RRAGD: variants seen among roughly 807,000 people sequenced by gnomAD.
RRAGD encodes the protein ras-related GTP-binding protein D.
RRAGD carries 12 observed loss-of-function variants against 35.5 expected under a neutral mutation model. The observed-to-expected ratio is 0.34, with a 90% CI of 0.22 to 0.55. RRAGD has a LOEUF of 0.55. Among genes scored for constraint, RRAGD ranks in the 20% least tolerant of loss-of-function variants. RRAGD has a pLI of 0.91. For missense variants in RRAGD, 324 were observed against 490.1 expected (o/e 0.66, Z 3.20); for synonymous variants, 155 against 178.9 (o/e 0.87, Z 1.07).
chr6:89,400,079 G>A (rs1350186298), intron 1 of RRAGD, among the ~76,000 whole-genome samples: 1 of 152,114 alleles, frequency 6.6e-6, no homozygotes, highest in Admixed American at 6.5e-5. Flanking sequence ...ATACTAAACT[G>A]TAGTCTAATT....
At position 89,411,830 on chromosome 6, in the gene RRAGD, G is replaced by T; in HGVS notation, c.148+16C>A. The T allele has an allele frequency of 2.6e-6, 4 of 1,544,902 alleles. No individual in the cohort carries two copies. The highest frequency in any genetic ancestry group is 3.5e-6 in the Non-Finnish European group (4 of 1,149,268). On this transcript the variant is annotated intron_variant, in intron 1 of 6. Coordinates refer to ENST00000369415, the MANE Select transcript of RRAGD (RefSeq NM_021244.5). The surrounding 1 kb of genome is among the most constrained non-coding windows in gnomAD (Gnocchi z 5.6). ...GAAAGGGGCGCGAGCCGAGGACGCG[G>T]GGGCCGGGCGCTCACCTCCCTCCTC...
Position 89,375,432 on chromosome 6 carries a change from C to T in RRAGD, c.902+2239G>A, listed in dbSNP as rs140815118. Among the ~76,000 whole-genome samples the T allele has an allele frequency of 8.3e-3, 1,266 of 152,214 alleles. 19 individuals are homozygous for T. The highest frequency in any genetic ancestry group is 0.029 in the African/African-American group (1,185 of 41,530). On this transcript the variant is annotated intron_variant, in intron 5 of 6. Coordinates refer to ENST00000369415, the MANE Select transcript of RRAGD (RefSeq NM_021244.5). The stretch of plus-strand genomic sequence containing the variant: ...GCAATGAAAACACATGAAGATAGAA[C>T]ATATTTTAAAGTGTGTGCATGTGTG...
Position 89,367,313 on chromosome 6 carries a change from A to T in RRAGD, c.*743T>A, listed in dbSNP as rs923791986. The stretch of plus-strand genomic sequence containing the variant: ...TGGAAATCTGGTCCCAAAGTTTCAA[A>T]AGAATACTAATGCAACAAAAAGAAA... On this transcript the variant is annotated 3_prime_UTR_variant, in exon 7 of 7. Transcript: ENST00000369415. 1.3e-5 allele frequency: 2 copies of T among 152,222 alleles called. No homozygotes were observed. Among genetic ancestry groups the T allele is most frequent in the African/African-American group, 4.8e-5 (2 of 41,450 alleles). 9.4% of individuals were successfully genotyped at this position (152,222 alleles called of 1,614,324 possible).
intron 5 of RRAGD, 122 bp from the exon 6 acceptor site, chr6:89,372,707 G>T: frequency 1.1e-6 from 1 of 915,210 alleles, no homozygotes; most frequent in Non-Finnish European, 1.6e-6. Context: ...TACACTTGCA[G>T]TGCCTTTCAG....
chr6:89,399,017 ACTC>A (rs1562462932), intron 1 of RRAGD, among the ~76,000 whole-genome samples: 1 of 152,058 alleles, frequency 6.6e-6, no homozygotes, highest in Non-Finnish European at 1.5e-5. Context: ...TGCAAGCAAA[ACTC>A]CTCGTTAAAT....
chr6:89,408,722 A>G (rs181652925), intron 1 of RRAGD, among the ~76,000 whole-genome samples: 1 of 152,324 alleles, frequency 6.6e-6, no homozygotes, highest in East Asian at 1.9e-4. Context: ...CTCCTAAAAA[A>G]TGGGAGGGGT....
chr6:89,392,479 CG>C lies in RRAGD; in HGVS notation c.149-4890del, dbSNP rs67327484. On this transcript the variant is annotated intron_variant, in intron 1 of 6. Coordinates refer to ENST00000369415, the MANE Select transcript of RRAGD (RefSeq NM_021244.5). ...TGGACAACAGTGCAAAACCCTGTCT[CG>C]AAAAAAAAAAAAAAGAATATAAAAT... 2.1e-4 allele frequency among the ~76,000 whole-genome samples: 30 copies of C among 141,640 alleles called. 1 individual carries two copies. The highest frequency in any genetic ancestry group is 2.2e-4 in the South Asian group (1 of 4,576). 92.9% of individuals were successfully genotyped at this position (141,640 alleles called of 152,430 possible).
At position 89,377,664 on chromosome 6, in the gene RRAGD, T is replaced by G. The variant is rs1768970588; in HGVS notation, c.902+7A>C. 6.3e-7 allele frequency: 1 copy of G among 1,575,590 alleles called. No homozygotes were observed. Among genetic ancestry groups the G allele is most frequent in the South Asian group, 1.2e-5 (1 of 83,342 alleles). On this transcript the variant is annotated splice_region_variant and intron_variant, in intron 5 of 6. Coordinates refer to ENST00000369415, the MANE Select transcript of RRAGD (RefSeq NM_021244.5). ...TTGATTGTGGCCTTTAAGAATGTTGTACTTACCCATAAATACAAGAGATGT... is the reference window on the plus strand; with the variant it reads ...TTGATTGTGGCCTTTAAGAATGTTGGACTTACCCATAAATACAAGAGATGT...
intron 5 of RRAGD, among the ~76,000 whole-genome samples, chr6:89,374,511 G>A (rs749771378): frequency 5.9e-5 from 9 of 152,078 alleles, no homozygotes; most frequent in Non-Finnish European, 1.2e-4. Flanking sequence ...GAGGTGGATC[G>A]CCTGAGGTTG....
Position 89,379,313 on chromosome 6 carries a change from G to T in RRAGD, c.670C>A (p.His224Asn), listed in dbSNP as rs1562448606. ...TTGCTAAAAGCTTCAAATATTGAAT[G>T]ATCATATATGCTTGTCAGATAAAAG... ...LSFYLTSIYDHSIFEAFSKVV... is the reference protein window; with the variant it reads ...LSFYLTSIYDNSIFEAFSKVV... The change falls in exon 4 of 7, where the codon CAT becomes AAT. Residue 224 changes from histidine (H) to asparagine (N), a missense_variant. Physicochemically the swap from His to Asn is moderately conservative, Grantham distance 68. Around this residue, in one of 5 missense-constraint regions of RRAGD, gnomAD observed 152 missense variants for 296.9 expected, o/e 0.51. Coordinates refer to ENST00000369415, the MANE Select transcript of RRAGD (RefSeq NM_021244.5). 2 of 1,589,306 alleles carry T rather than the reference G, an allele frequency of 1.3e-6. No homozygotes were observed. The highest frequency in any genetic ancestry group is 1.1e-5 in the South Asian group (1 of 89,478).
chr6:89,380,276 T>C lies in RRAGD; in HGVS notation c.536A>G (p.His179Arg). 2 of 1,614,258 alleles carry C rather than the reference T, an allele frequency of 1.2e-6. No homozygotes were observed. The highest frequency in any genetic ancestry group is 1.7e-6 in the Non-Finnish European group (2 of 1,180,032). Residue 179 changes from histidine (H) to arginine (R), a missense_variant, in exon 3 of 7, where the codon CAT (histidine) becomes CGT (arginine). Physicochemically the swap from His to Arg is conservative, Grantham distance 29. This residue lies in a region of RRAGD where 152 missense variants were observed against 296.9 expected (regional missense o/e 0.51). Coordinates refer to ENST00000369415, the MANE Select transcript of RRAGD (RefSeq NM_021244.5). The stretch of plus-strand genomic sequence containing the variant: ...GTCATCTGACAGACCATCCACTTTA[T>C]GAATAAACACCTCGAAGTTGATGTC... ...NTDINFEVFI[H>R]KVDGLSDDHK...
intron 1 of RRAGD, among the ~76,000 whole-genome samples, chr6:89,407,370 G>C (rs1769601663): frequency 6.6e-6 from 1 of 152,226 alleles, no homozygotes; most frequent in African/African-American, 2.4e-5. Context: ...GGGCGCGGTG[G>C]CTCATGCCTG....
At chr6:89,389,009 G>C (rs1769183985) in intron 1 of RRAGD, among the ~76,000 whole-genome samples, 1 of 152,140 alleles carries the variant, frequency 6.6e-6, no homozygotes, top group Admixed American at 6.5e-5. Context: ...GCGAGCAATG[G>C]GGAGTGGCTG....
At chr6:89,401,453 G>A (rs1294832022) in intron 1 of RRAGD, among the ~76,000 whole-genome samples, 5 of 152,048 alleles carry the variant, frequency 3.3e-5, no homozygotes, top group Admixed American at 6.6e-5. Context: ...ACAGGGTTTC[G>A]CCATGTTGAC....
chr6:89,367,774 C>A lies in RRAGD; in HGVS notation c.*282G>T, dbSNP rs1045374028. Reference sequence around the variant, plus strand: ...AGTGCAAAATATGTACAATTCCTGGCAGTTCTCACACGGGATTTTTTTGAC... The same window carrying A: ...AGTGCAAAATATGTACAATTCCTGGAAGTTCTCACACGGGATTTTTTTGAC... On this transcript the variant is annotated 3_prime_UTR_variant, in exon 7 of 7. Coordinates refer to ENST00000369415, the MANE Select transcript of RRAGD (RefSeq NM_021244.5). The A allele has an allele frequency of 9.8e-6, 3 of 305,838 alleles. No individual in the cohort carries two copies. Among genetic ancestry groups the A allele is most frequent in the Middle Eastern group, 1.8e-3 (2 of 1,134 alleles). The allele number at this position is 305,838 out of a possible 1,614,324, so 18.9% of individuals were successfully genotyped here.
chr6:89,404,753 G>A (rs530278834), intron 1 of RRAGD, among the ~76,000 whole-genome samples: 6 of 152,230 alleles, frequency 3.9e-5, no homozygotes, highest in African/African-American at 1.4e-4. Flanking sequence ...TTAGTGCCTC[G>A]AGTACAACAG....
At chr6:89,408,179 G>A (rs1769621621) in intron 1 of RRAGD, among the ~76,000 whole-genome samples, 1 of 152,062 alleles carries the variant, frequency 6.6e-6, no homozygotes, top group Admixed American at 6.6e-5. Context: ...ACAAGAAAAG[G>A]GGCTTACATT....
intron 1 of RRAGD, among the ~76,000 whole-genome samples, chr6:89,402,560 T>TG (rs1005675262): frequency 6.6e-6 from 1 of 152,106 alleles, no homozygotes; most frequent in African/African-American, 2.4e-5. Flanking sequence ...ACAGAAGCCC[T>TG]GGGTTCCTGA....
rs1582499335 is a variant in RRAGD, at chr6:89,366,611, A to C, written c.*1445T>G. On this transcript the variant is annotated 3_prime_UTR_variant, in exon 7 of 7. Transcript: ENST00000369415. ...TAGGACCAACTTTGATGTTCTTAGG[A>C]GGCTCTGCTTTAAAAAAAAAAAAAT... is the stretch of plus-strand genomic sequence containing the variant. 6.6e-6 allele frequency: 1 copy of C among 150,588 alleles called. No homozygotes were observed. Among genetic ancestry groups the C allele is most frequent in the South Asian group, 2.1e-4 (1 of 4,798 alleles). The allele number at this position is 150,588 out of a possible 1,614,324, so 9.3% of individuals were successfully genotyped here.
Sources: gnomAD v4.1 joint callset for allele counts (sites outside exome capture counted in the v4.1 genomes callset) on GRCh38, gnomAD v4.1.1 for gene constraint, gnomAD v4.1.1 regional missense constraint, Gnocchi (gnomAD v3.1) non-coding constraint, MANE v1.5 for transcripts, NCBI Gene and HGNC (gene_info 2026-07-23, HGNC 2026-07-21) for gene names.